FSIP1: variants seen among roughly 807,000 people sequenced by gnomAD.
FSIP1 encodes fibrous sheath interacting protein 1.
Under a neutral mutation model 60.9 loss-of-function variants are expected in FSIP1, and 65 were observed. The ratio of observed to expected loss-of-function variants is 1.07; its 90% confidence interval spans 0.87 to 1.31. The LOEUF is 1.31. Among genes scored for constraint, FSIP1 ranks in the 40% most tolerant of loss-of-function variants. The pLI is 0.00. For missense variants in FSIP1, 675 were observed against 665.5 expected, an observed-to-expected ratio of 1.01 and a Z score of -0.16; for synonymous variants, 209 against 221.2, an observed-to-expected ratio of 0.94 and a Z score of 0.49.
intron 10 of FSIP1, among the ~76,000 whole-genome samples, chr15:39,655,858 C>A (rs1893050359): frequency 6.6e-6 from 1 of 152,138 alleles, no homozygotes; most frequent in African/African-American, 2.4e-5. Context: ...GTTCCAAGAA[C>A]AAGGATCACT....
At chr15:39,768,698 C>CT (rs1258329210) in intron 3 of FSIP1, among the ~76,000 whole-genome samples, 1 of 152,180 alleles carries the variant, frequency 6.6e-6, no homozygotes, top group Non-Finnish European at 1.5e-5. Context: ...GAAGAAGAAA[C>CT]TTAATAGCCT....
chr15:39,715,467 T>A (rs1895703422), intron 9 of FSIP1, among the ~76,000 whole-genome samples: 1 of 152,206 alleles, frequency 6.6e-6, no homozygotes, highest in East Asian at 1.9e-4. Flanking sequence ...GTGTAAGCAC[T>A]GGCCAATAGA....
In FSIP1 at chr15:39,780,878, G is replaced by A. The variant is rs534012666; in HGVS notation, c.-8+1750C>T. The stretch of plus-strand genomic sequence containing the variant: ...GCTGGGATTACAGGGGTGAGCCACC[G>A]TGCCTGGCCAAAACTATAAAATTTC... On this transcript the variant is annotated intron_variant, in intron 1 of 11. Coordinates refer to ENST00000350221, the MANE Select transcript of FSIP1 (RefSeq NM_152597.5). Among the ~76,000 whole-genome samples the A allele has an allele frequency of 1.4e-4, 21 of 152,246 alleles. No homozygotes were observed. The South Asian group carries it at 3.7e-3, about 27-fold the overall frequency.
intron 10 of FSIP1, among the ~76,000 whole-genome samples, chr15:39,653,157 C>T (rs531694040): frequency 4.5e-4 from 61 of 136,332 alleles, no homozygotes; most frequent in African/African-American, 1.5e-3. Flanking sequence ...GCCTGTGTGA[C>T]GGAGCCAGAC....
chr15:39,621,070 A>C (rs1037216622), intron 10 of FSIP1, among the ~76,000 whole-genome samples: 272 of 151,852 alleles, frequency 1.8e-3, no homozygotes, highest in African/African-American at 6.3e-3. Flanking sequence ...AAAAAAAAAA[A>C]AAAATACAAA....
chr15:39,719,978 T>C (rs1026649003), intron 9 of FSIP1, among the ~76,000 whole-genome samples: 1 of 152,228 alleles, frequency 6.6e-6, no homozygotes, highest in East Asian at 1.9e-4. Context: ...TGCATGCTCC[T>C]GTGGCTTCTA....
intron 5 of FSIP1, among the ~76,000 whole-genome samples, chr15:39,757,350 G>A (rs1345391507): frequency 6.6e-6 from 1 of 152,026 alleles, no homozygotes; most frequent in African/African-American, 2.4e-5. Flanking sequence ...TGAAATACCA[G>A]GAATATGAGA....
At chr15:39,739,906 T>C (rs1896749215) in intron 6 of FSIP1, 117 bp from the exon 7 acceptor site, 1 of 581,752 alleles carries the variant, frequency 1.7e-6, no homozygotes, top group Non-Finnish European at 2.8e-6. Context: ...AAGAACTAAC[T>C]TCTACATTCC....
At chr15:39,635,532 A>C (rs1298075550) in intron 10 of FSIP1, among the ~76,000 whole-genome samples, 1 of 152,104 alleles carries the variant, frequency 6.6e-6, no homozygotes, top group Non-Finnish European at 1.5e-5. Context: ...GTTCCATGTA[A>C]GGGATGTTGG....
chr15:39,748,152 T>C (rs1028031013), intron 5 of FSIP1, among the ~76,000 whole-genome samples: 5 of 152,208 alleles, frequency 3.3e-5, no homozygotes, highest in Non-Finnish European at 7.4e-5. Context: ...CATGTTAATA[T>C]ACTCTTTCTT....
intron 6 of FSIP1, 68 bp downstream of exon 6, chr15:39,741,737 T>A (rs1896807478): frequency 2.6e-6 from 2 of 774,322 alleles, no homozygotes; most frequent in Admixed American, 2.1e-5. Context: ...ATTTCATTTA[T>A]GAATATTTCT....
chr15:39,733,202 T>C (rs946447954), intron 8 of FSIP1, among the ~76,000 whole-genome samples: 7 of 152,202 alleles, frequency 4.6e-5, no homozygotes, highest in Admixed American at 1.3e-4. Context: ...GGCTAATTGT[T>C]GTATTTTTAG....
intron 10 of FSIP1, among the ~76,000 whole-genome samples, chr15:39,635,307 C>G (rs1177502873): frequency 1.3e-5 from 2 of 151,862 alleles, no homozygotes; most frequent in African/African-American, 4.8e-5. Context: ...TGCACTCCAT[C>G]CTGGCGACAG....
intron 10 of FSIP1, among the ~76,000 whole-genome samples, chr15:39,642,216 G>A (rs1422038093): frequency 1.3e-5 from 2 of 152,278 alleles, no homozygotes; most frequent in Admixed American, 1.3e-4. Context: ...TGTAGATCCA[G>A]TCATCACAAT....
chr15:39,779,126 T>G (rs913036047), intron 1 of FSIP1, among the ~76,000 whole-genome samples: 2 of 152,068 alleles, frequency 1.3e-5, no homozygotes, highest in Non-Finnish European at 2.9e-5. Context: ...GGTTAATATA[T>G]TCACATATTT....
intron 11 of FSIP1, among the ~76,000 whole-genome samples, chr15:39,601,838 C>T (rs1411478685): frequency 6.6e-6 from 1 of 152,106 alleles, no homozygotes; most frequent in Non-Finnish European, 1.5e-5. Flanking sequence ...AATGTTCAGA[C>T]TAGGCAAATT....
chr15:39,730,475 A>G (rs999560774), intron 8 of FSIP1, among the ~76,000 whole-genome samples: 1 of 152,242 alleles, frequency 6.6e-6, no homozygotes, highest in Non-Finnish European at 1.5e-5. Flanking sequence ...AGGGCAAAGA[A>G]ACTTATTTCA....
intron 10 of FSIP1, among the ~76,000 whole-genome samples, chr15:39,713,195 C>G (rs1247759555): frequency 1.3e-5 from 2 of 152,162 alleles, no homozygotes; most frequent in East Asian, 3.8e-4. Flanking sequence ...GCTGATTTAA[C>G]ACATGAGAAC....
chr15:39,644,413 C>T (rs567525218), intron 10 of FSIP1, among the ~76,000 whole-genome samples: 2 of 152,316 alleles, frequency 1.3e-5, no homozygotes, highest in South Asian at 2.1e-4. Context: ...CCTGTGTTAT[C>T]GCCACCAGTC....
Sources: allele counts gnomAD v4.1 joint callset (sites outside exome capture counted in the v4.1 genomes callset), GRCh38; gene constraint gnomAD v4.1.1; transcripts MANE v1.5; gene names NCBI Gene and HGNC (gene_info 2026-07-23, HGNC 2026-07-21).